CPPED1: variants seen among roughly 807,000 people sequenced by gnomAD.
CPPED1 encodes serine/threonine-protein phosphatase CPPED1.
In CPPED1, 28 loss-of-function variants were observed where a neutral mutation model predicts 28.0. The observed-to-expected ratio is 1.00, with a 90% CI of 0.74 to 1.37. CPPED1 has a LOEUF of 1.37. Among genes scored for constraint, CPPED1 ranks in the 40% most tolerant of loss-of-function variants. CPPED1 has a pLI of 0.00. For missense variants in CPPED1, 504 were observed against 416.5 expected (o/e 1.21, Z -1.83); for synonymous variants, 198 against 180.2 (o/e 1.10, Z -0.79).
chr16:12,690,231 G>A (rs890281304), intron 3 of CPPED1, among the ~76,000 whole-genome samples: 1 of 152,272 alleles, frequency 6.6e-6, no homozygotes, highest in African/African-American at 2.4e-5. Flanking sequence ...CATCAAGAAG[G>A]CCAAGTGTGG....
At chr16:12,721,679 G>C (rs927433404) in intron 2 of CPPED1, among the ~76,000 whole-genome samples, 1 of 151,564 alleles carries the variant, frequency 6.6e-6, no homozygotes. Context: ...ACTTGAACCT[G>C]GGAGACGAAG....
intron 2 of CPPED1, among the ~76,000 whole-genome samples, chr16:12,715,171 A>G (rs2080100933): frequency 6.6e-6 from 1 of 152,186 alleles, no homozygotes. Context: ...TCATGCCAGT[A>G]CCATAGTGTT....
intron 2 of CPPED1, among the ~76,000 whole-genome samples, chr16:12,739,733 T>C (rs2141210208): frequency 6.6e-6 from 1 of 152,294 alleles, no homozygotes; most frequent in South Asian, 2.1e-4. Flanking sequence ...GTTCGCAGCC[T>C]CCTCTCTAGT....
intron 1 of CPPED1, among the ~76,000 whole-genome samples, chr16:12,784,073 G>A (rs1346997267): frequency 6.6e-6 from 1 of 152,198 alleles, no homozygotes; most frequent in Non-Finnish European, 1.5e-5. Context: ...AACAGAATAT[G>A]ATGATGGCAG....
intron 3 of CPPED1, among the ~76,000 whole-genome samples, chr16:12,697,532 T>C (rs553994101): frequency 1.7e-4 from 26 of 152,272 alleles, no homozygotes; most frequent in Non-Finnish European, 1.6e-4. Context: ...CTTAGACACA[T>C]ACAGAATGTG....
chr16:12,748,449 A>T (rs1372002465), intron 2 of CPPED1, among the ~76,000 whole-genome samples: 1 of 152,212 alleles, frequency 6.6e-6, no homozygotes, highest in Non-Finnish European at 1.5e-5. Flanking sequence ...AATACATACA[A>T]ATATTAAAAG....
chr16:12,768,036 T>C (rs2080449395), intron 2 of CPPED1, among the ~76,000 whole-genome samples: 1 of 152,192 alleles, frequency 6.6e-6, no homozygotes, highest in Non-Finnish European at 1.5e-5. Context: ...CATAAAAATT[T>C]TCTTTAAAGA....
At chr16:12,792,850 G>A (rs543010674) in intron 1 of CPPED1, among the ~76,000 whole-genome samples, 1 of 152,266 alleles carries the variant, frequency 6.6e-6, no homozygotes, top group Admixed American at 6.5e-5. Flanking sequence ...CATGTGAAGT[G>A]TCAGTCCATT....
intron 1 of CPPED1, among the ~76,000 whole-genome samples, chr16:12,792,481 TG>T (rs1230878165): frequency 6.6e-6 from 1 of 152,118 alleles, no homozygotes; most frequent in African/African-American, 2.4e-5. Context: ...TCAACAATGC[TG>T]GGGGGTTGAA....
intron 2 of CPPED1, among the ~76,000 whole-genome samples, chr16:12,725,373 C>T (rs1177204982): frequency 6.6e-6 from 1 of 152,182 alleles, no homozygotes; most frequent in Non-Finnish European, 1.5e-5. Flanking sequence ...GGATTACAGG[C>T]ATAAGCCACT....
At chr16:12,676,433 C>T (rs1283550308) in intron 3 of CPPED1, among the ~76,000 whole-genome samples, 2 of 152,188 alleles carry the variant, frequency 1.3e-5, no homozygotes, top group Non-Finnish European at 2.9e-5. Context: ...GCATTTTGCA[C>T]CTGCATCATC....
At chr16:12,801,658 T>C (rs1330343767) in intron 1 of CPPED1, among the ~76,000 whole-genome samples, 1 of 152,126 alleles carries the variant, frequency 6.6e-6, no homozygotes, top group East Asian at 1.9e-4. Context: ...GTACAGAATG[T>C]TCATAACAGC....
At chr16:12,800,582 T>A (rs1381893065) in intron 1 of CPPED1, among the ~76,000 whole-genome samples, 1 of 152,172 alleles carries the variant, frequency 6.6e-6, no homozygotes, top group Non-Finnish European at 1.5e-5. Context: ...GACCACTCTT[T>A]TCAAAATAAA....
intron 2 of CPPED1, among the ~76,000 whole-genome samples, chr16:12,764,520 T>C (rs944588427): frequency 6.6e-6 from 1 of 152,078 alleles, no homozygotes; most frequent in African/African-American, 2.4e-5. Context: ...TGAATTTTTT[T>C]GTAGAGTTGG....
intron 3 of CPPED1, among the ~76,000 whole-genome samples, chr16:12,666,410 C>T (rs763357332): frequency 3.3e-5 from 5 of 152,316 alleles, no homozygotes; most frequent in African/African-American, 4.8e-5. Context: ...GCCTGGCTCC[C>T]TGCTGGAAGA....
At chr16:12,707,280 G>T (rs182114478) in intron 2 of CPPED1, among the ~76,000 whole-genome samples, 181 of 152,234 alleles carry the variant, frequency 1.2e-3, no homozygotes, top group Middle Eastern at 3.4e-3. Flanking sequence ...CTGACTTGGG[G>T]ATTTTGGGAT....
intron 2 of CPPED1, among the ~76,000 whole-genome samples, chr16:12,762,015 C>CAA (rs56991005): frequency 0.098 from 14,173 of 145,094 alleles, 2,130 homozygotes; most frequent in African/African-American, 0.33. Flanking sequence ...ACTCTGTCTC[C>CAA]AAAAAAAAAA....
chr16:12,666,344 C>A (rs908453890), intron 3 of CPPED1, among the ~76,000 whole-genome samples: 3 of 152,014 alleles, frequency 2.0e-5, no homozygotes, highest in African/African-American at 7.3e-5. Flanking sequence ...GGGAGTTCAG[C>A]TCTTAGAAGA....
chr16:12,767,968 C>CA (rs995347597), intron 2 of CPPED1, among the ~76,000 whole-genome samples: 3 of 151,898 alleles, frequency 2.0e-5, no homozygotes, highest in African/African-American at 7.2e-5. Flanking sequence ...AAACAAAAAA[C>CA]AAAAAAACCC....
Sources: gnomAD v4.1 joint callset for allele counts (sites outside exome capture counted in the v4.1 genomes callset) on GRCh38, gnomAD v4.1.1 for gene constraint, MANE v1.5 for transcripts, NCBI Gene and HGNC (gene_info 2026-07-23, HGNC 2026-07-21) for gene names.